The following TTC38 variants were observed in gnomAD, a reference collection of about 807,000 sequenced individuals.
TTC38 encodes tetratricopeptide repeat protein 38.
TTC38 carries 64 observed loss-of-function variants against 64.2 expected under a neutral mutation model. The ratio of observed to expected loss-of-function variants is 1.00; its 90% CI spans 0.81 to 1.23. The LOEUF is 1.23. Ranked by LOEUF, TTC38 falls within the 50% of genes most tolerant of loss-of-function variation. TTC38 has a pLI of 0.00. For missense variants in TTC38, 573 were observed against 615.5 expected (o/e 0.93, Z 0.73); for synonymous variants, 254 against 249.3 (o/e 1.02, Z -0.18).
chr22:46,272,773 C>A lies in TTC38; in HGVS notation c.193+357C>A, dbSNP rs1389588776. 2.0e-5 allele frequency among the ~76,000 whole-genome samples: 3 copies of A among 152,200 alleles called. No homozygotes were observed. The highest frequency in any genetic ancestry group is 2.0e-4 in the Admixed American group (3 of 15,284). On this transcript the variant is annotated intron_variant, in intron 3 of 13. Transcript: ENST00000381031. The surrounding 1 kb of genome is among the most constrained non-coding windows in gnomAD (Gnocchi z 6.4). ...GGTTGACCCCTGGGATTAGATAAAG[C>A]TTCCTGAATCCAAGGCCCAGACCCC... is the stretch of plus-strand genomic sequence containing the variant.
In TTC38 at chr22:46,273,754, T is replaced by C. The variant is rs1936945989; in HGVS notation, c.194-144T>C. 1 of 721,854 alleles carries C rather than the reference T, an allele frequency of 1.4e-6. No individual in the cohort carries two copies. Among genetic ancestry groups the C allele is most frequent in the African/African-American group, 1.8e-5 (1 of 55,996 alleles). 44.7% of individuals were successfully genotyped at this position (721,854 alleles called of 1,614,324 possible). A position where few individuals can be genotyped will look rare whatever the true frequency, so the allele number is the denominator to read the frequency against. ...AGAGCCGAGGCTGAGTTCTAGACAG[T>C]AGGCAGGGCCACAGTGCCCAGCCTG... On this transcript the variant is annotated intron_variant, in intron 3 of 13. Coordinates refer to ENST00000381031, the MANE Select transcript of TTC38 (RefSeq NM_017931.4). This position sits in a 1 kb window ranked among gnomAD's most constrained non-coding sequence, Gnocchi z 5.1.
chr22:46,280,477 C>T (rs989667225), intron 6 of TTC38, among the ~76,000 whole-genome samples: 9 of 152,236 alleles, frequency 5.9e-5, no homozygotes, highest in Admixed American at 6.5e-5. Context: ...CAGCCACCAC[C>T]CTTCACTCCT....
chr22:46,284,207 G>A (rs926216275), intron 8 of TTC38, among the ~76,000 whole-genome samples, 175 bp downstream of exon 8: 1 of 152,204 alleles, frequency 6.6e-6, no homozygotes, highest in African/African-American at 2.4e-5. Context: ...TCACTGTGGA[G>A]GCCTGGAAAT....
chr22:46,280,317 G>T, intron 6 of TTC38: 1 of 409,032 alleles, frequency 2.4e-6, no homozygotes, highest in East Asian at 7.3e-5. Flanking sequence ...GGCAAGCCAG[G>T]GCTCCAGGAG....
In TTC38 at chr22:46,282,003, A is replaced by C; in HGVS notation, c.735+285A>C. On this transcript the variant is annotated intron_variant, in intron 7 of 13. Coordinates refer to ENST00000381031, the MANE Select transcript of TTC38 (RefSeq NM_017931.4). The surrounding 1 kb of genome is among the most constrained non-coding windows in gnomAD (Gnocchi z 4.4). Reference sequence around the variant, plus strand: ...TCAGGAGGAGCGAGCAGCCTCTTCAAAGCACATGAGCTGCACCATGACGGG... The same window carrying C: ...TCAGGAGGAGCGAGCAGCCTCTTCACAGCACATGAGCTGCACCATGACGGG... The C allele has an allele frequency of 1.7e-6, 1 of 576,078 alleles. No individual in the cohort carries two copies. Among genetic ancestry groups the C allele is most frequent in the East Asian group, 4.3e-5 (1 of 23,452 alleles). 35.7% of individuals were successfully genotyped at this position (576,078 alleles called of 1,614,324 possible). A position where few individuals can be genotyped will look rare whatever the true frequency, so the allele number is the denominator to read the frequency against.
Position 46,282,365 on chromosome 22 carries a change from A to G in TTC38, c.735+647A>G, listed in dbSNP as rs1365976155. 1.1e-4 allele frequency among the ~76,000 whole-genome samples: 16 copies of G among 152,014 alleles called. No homozygotes were observed. Among genetic ancestry groups the G allele is most frequent in the Admixed American group, 1.0e-3 (16 of 15,274 alleles). On this transcript the variant is annotated intron_variant, in intron 7 of 13. Coordinates refer to ENST00000381031, the MANE Select transcript of TTC38 (RefSeq NM_017931.4). The surrounding 1 kb of genome is among the most constrained non-coding windows in gnomAD (Gnocchi z 4.4). ...AGGTGGTGTCCAGGCAGAGGCAGAAACGCCTGCAGAGGCCTCAGGGAAGGA... is the reference window on the plus strand; with the variant it reads ...AGGTGGTGTCCAGGCAGAGGCAGAAGCGCCTGCAGAGGCCTCAGGGAAGGA...
chr22:46,284,806 T>C (rs955695611), intron 8 of TTC38, among the ~76,000 whole-genome samples: 1 of 138,118 alleles, frequency 7.2e-6, no homozygotes, highest in Admixed American at 8.1e-5. Context: ...GACGCGGAGG[T>C]TACAGTGAGC....
Position 46,287,050 on chromosome 22 carries a change from G to A in TTC38, c.835-23G>A, listed in dbSNP as rs201268219. On this transcript the variant is annotated intron_variant, in intron 9 of 13. Transcript: ENST00000381031. ...ATCATCTGGGCCACCCGCTGAGCCC[G>A]CCTTGGCCGCCCTGTCTTCCAGATC... The A allele has an allele frequency of 3.0e-4, 472 of 1,582,404 alleles. 1 individual carries two copies. In the African/African-American group the frequency reaches 4.4e-3, roughly 15 times the overall value.
chr22:46,284,181 C>A, intron 8 of TTC38, 149 bp downstream of exon 8: 1 of 659,546 alleles, frequency 1.5e-6, no homozygotes, highest in Non-Finnish European at 2.6e-6. Context: ...AGGCTTCAAC[C>A]TTTTTAGGGA....
chr22:46,275,868 G>A lies in TTC38; in HGVS notation c.539+447G>A, dbSNP rs1936997082. Among the ~76,000 whole-genome samples the A allele has an allele frequency of 6.6e-6, 1 of 152,154 alleles. No individual in the cohort carries two copies. The highest frequency in any genetic ancestry group is 2.4e-5 in the African/African-American group (1 of 41,422). ...TGGGGGGCTTACAATGGCAATTAAA[G>A]GTTTAGAATGAAAGGATACCCTGCC... On this transcript the variant is annotated intron_variant, in intron 5 of 13. Transcript: ENST00000381031. This position sits in a 1 kb window ranked among gnomAD's most constrained non-coding sequence, Gnocchi z 4.5.
chr22:46,285,334 CAA>C, intron 9 of TTC38, 55 bp downstream of exon 9: 2 of 1,535,888 alleles, frequency 1.3e-6, no homozygotes, highest in Non-Finnish European at 1.8e-6. Flanking sequence ...CTTTGAGTCT[CAA>C]AGAGACCAGA....
chr22:46,275,485 A>G lies in TTC38; in HGVS notation c.539+64A>G, dbSNP rs542439886. 8.2e-5 allele frequency: 123 copies of G among 1,505,684 alleles called. No homozygotes were observed. In the African/African-American group the frequency reaches 1.5e-3, roughly 19 times the overall value. The allele number at this position is 1,505,684 out of a possible 1,614,324, so 93.3% of individuals were successfully genotyped here. A position where few individuals can be genotyped will look rare whatever the true frequency, so the allele number is the denominator to read the frequency against. The stretch of plus-strand genomic sequence containing the variant: ...AATCTCTCTTTTCTGCCCTAAAAAT[A>G]TGGTGACTCTCTTGGCCCTGTCCTA... On this transcript the variant is annotated intron_variant, in intron 5 of 13. Transcript: ENST00000381031. This position sits in a 1 kb window ranked among gnomAD's most constrained non-coding sequence, Gnocchi z 4.5.
At position 46,281,535 on chromosome 22, in the gene TTC38, C is replaced by G. The variant is rs373122068; in HGVS notation, c.616-64C>G. 6.3e-7 allele frequency: 1 copy of G among 1,593,420 alleles called. No individual in the cohort carries two copies. On this transcript the variant is annotated intron_variant, in intron 6 of 13. Transcript: ENST00000381031. The surrounding 1 kb of genome is among the most constrained non-coding windows in gnomAD (Gnocchi z 5.2). ...CTCTTGCCCCTTAGAGACCTGCCGT[C>G]GCCTGCCCCGGCAGCCTGACTGATC...
chr22:46,289,853 C>A lies in TTC38; in HGVS notation c.1270C>A (p.His424Asn). 1 of 1,614,230 alleles carries A rather than the reference C, an allele frequency of 6.2e-7. No homozygotes were observed. Residue 424 changes from histidine to asparagine, a missense_variant, in exon 13 of 14, where the codon CAC becomes AAC. Coordinates refer to ENST00000381031, the MANE Select transcript of TTC38 (RefSeq NM_017931.4). Reference protein sequence around the residue: ...QRDVFNQLLIHAALNCTSSVH... With the variant: ...QRDVFNQLLINAALNCTSSVH... ...AGACGTCTTCAACCAGCTGCTGATTCACGCGGCCTTAAACTGCACCTCCAG... is the reference window on the plus strand; with the variant it reads ...AGACGTCTTCAACCAGCTGCTGATTAACGCGGCCTTAAACTGCACCTCCAG...
At chr22:46,269,073 T>G (rs1601862329) in intron 2 of TTC38, 1 of 388,058 alleles carries the variant, frequency 2.6e-6, no homozygotes, top group African/African-American at 3.3e-5. Context: ...CGTGGGAGGG[T>G]GGGGACATAT....
chr22:46,289,815 T>C lies in TTC38; in HGVS notation c.1243-11T>C. 1.9e-6 allele frequency: 3 copies of C among 1,614,108 alleles called. No individual in the cohort carries two copies. Among genetic ancestry groups the C allele is most frequent in the Non-Finnish European group, 2.5e-6 (3 of 1,179,958 alleles). On this transcript the variant is annotated splice_polypyrimidine_tract_variant and intron_variant, in intron 12 of 13. Transcript: ENST00000381031. Reference sequence around the variant, plus strand: ...GGTACAGGAGACTCACATGCCCGATTGACATTTCAGAGAGACGTCTTCAAC... The same window carrying C: ...GGTACAGGAGACTCACATGCCCGATCGACATTTCAGAGAGACGTCTTCAAC...
chr22:46,269,520 C>T (rs1471748545), intron 2 of TTC38, among the ~76,000 whole-genome samples: 2 of 152,210 alleles, frequency 1.3e-5, no homozygotes, highest in African/African-American at 4.8e-5. Flanking sequence ...CCTAACTGCA[C>T]TGATAGAAAC....
chr22:46,273,873 C>A lies in TTC38; in HGVS notation c.194-25C>A, dbSNP rs1454680685. 6.2e-7 allele frequency: 1 copy of A among 1,613,266 alleles called. No individual in the cohort carries two copies. The highest frequency in any genetic ancestry group is 8.5e-7 in the Non-Finnish European group (1 of 1,179,568). ...GGCTGAGCTGGACCATCTGAACCAC[C>A]AGCCGTTCTCTAACCTCCCACCAGT... On this transcript the variant is annotated intron_variant, in intron 3 of 13. Transcript: ENST00000381031. This position sits in a 1 kb window ranked among gnomAD's most constrained non-coding sequence, Gnocchi z 5.1.
In TTC38 at chr22:46,282,839, C is replaced by A. The variant is rs765375696; in HGVS notation, c.735+1121C>A. ...TCATACTGAGGGCAGCCTAAGGTAG[C>A]CACCCACATACCACCCACTCCCCTG... On this transcript the variant is annotated intron_variant, in intron 7 of 13. Coordinates refer to ENST00000381031, the MANE Select transcript of TTC38 (RefSeq NM_017931.4). The surrounding 1 kb of genome is among the most constrained non-coding windows in gnomAD (Gnocchi z 4.4). Among the ~76,000 whole-genome samples the A allele has an allele frequency of 1.3e-5, 2 of 152,192 alleles. No individual in the cohort carries two copies. The highest frequency in any genetic ancestry group is 2.9e-5 in the Non-Finnish European group (2 of 68,026).
Sources: gnomAD v4.1 joint callset for allele counts (sites outside exome capture counted in the v4.1 genomes callset) on GRCh38, gnomAD v4.1.1 for gene constraint, Gnocchi (gnomAD v3.1) non-coding constraint, MANE v1.5 for transcripts, NCBI Gene and HGNC (gene_info 2026-07-23, HGNC 2026-07-21) for gene names.